Variants in LBR observed in about 807,000 individuals in gnomAD.
LBR encodes the protein lamin B receptor.
Under a neutral mutation model 74.3 loss-of-function variants are expected in LBR, and 28 were observed. That is an observed-to-expected ratio of 0.38 (90% CI 0.28 to 0.52). LBR has a LOEUF of 0.52. Ranked by LOEUF, LBR falls within the 20% of genes least tolerant of loss-of-function variation. The pLI, the probability that LBR is intolerant of heterozygous loss-of-function variation, is 0.89. For synonymous variants in LBR, 228 were observed against 269.3 expected, an observed-to-expected ratio of 0.85 and a Z score of 1.50; for missense variants, 717 against 760.3, an observed-to-expected ratio of 0.94 and a Z score of 0.67.
rs536779376 is a variant in LBR, at chr1:225,425,491, G to A, written c.-14-1402C>T. On this transcript the variant is annotated intron_variant, in intron 1 of 13. Coordinates refer to ENST00000272163, the MANE Select transcript of LBR (RefSeq NM_002296.4). ...GGTTTGGGCTTGGAGTAGTGGGGAG[G>A]AGCCCACAAGTTTTCGGGATGAAGT... Among the ~76,000 whole-genome samples the A allele has an allele frequency of 3.9e-5, 6 of 152,244 alleles. No individual in the cohort carries two copies. In the South Asian group the frequency reaches 1.0e-3, roughly 26 times the overall value.
chr1:225,406,434 AAAGC>A (rs1248089964), intron 11 of LBR: 1 of 404,654 alleles, frequency 2.5e-6, no homozygotes, highest in Non-Finnish European at 4.4e-6. Context: ...ATTAAATTTA[AAAGC>A]AAGATGGTTT....
chr1:225,419,506 C>T, intron 4 of LBR, 54 bp from the exon 5 acceptor site: 10 of 1,255,034 alleles, frequency 8.0e-6, no homozygotes, highest in Non-Finnish European at 1.2e-5. Flanking sequence ...ACCATTAATG[C>T]TACTGCATTA....
Position 225,412,498 on chromosome 1 carries a change from C to T in LBR, c.1040G>A (p.Arg347His), listed in dbSNP as rs761503513. ...GTCATTCCGGGGCGCTTTCAAAGAG[C>T]GCATGTAGAGATACACACTCAAGAC... is the stretch of plus-strand genomic sequence containing the variant. ...CVVLSVYLYM[R>H]SLKAPRNDLS... The change falls in exon 8 of 14, where the codon CGC becomes CAC. Residue 347 changes from arginine (R) to histidine (H), a missense_variant. Arg to His is a conservative substitution (Grantham distance 29). Transcript: ENST00000272163. 8.1e-6 allele frequency: 13 copies of T among 1,613,916 alleles called. No individual in the cohort carries two copies. Among genetic ancestry groups the T allele is most frequent in the South Asian group, 5.5e-5 (5 of 91,088 alleles).
At chr1:225,407,283 T>C (rs1312600101) in intron 10 of LBR, among the ~76,000 whole-genome samples, 2 of 152,210 alleles carry the variant, frequency 1.3e-5, no homozygotes, top group Admixed American at 6.5e-5. Context: ...ACAGAGGCTG[T>C]GTGTTTTCAC....
At chr1:225,415,783 C>T (rs945547232) in intron 6 of LBR, among the ~76,000 whole-genome samples, 10 of 152,190 alleles carry the variant, frequency 6.6e-5, no homozygotes, top group African/African-American at 2.2e-4. Flanking sequence ...TGTTTATCCA[C>T]TCTACTATGA....
intron 5 of LBR, among the ~76,000 whole-genome samples, chr1:225,418,949 G>C (rs2096122548): frequency 6.6e-6 from 1 of 152,182 alleles, no homozygotes; most frequent in Non-Finnish European, 1.5e-5. Flanking sequence ...AACCATCTAT[G>C]CTATACAAAC....
chr1:225,405,225 TTAAGTC>T (rs2096088952), intron 11 of LBR, among the ~76,000 whole-genome samples: 1 of 152,266 alleles, frequency 6.6e-6, no homozygotes, highest in Non-Finnish European at 1.5e-5. Flanking sequence ...GAATCCCACT[TTAAGTC>T]TATAAGTTCC....
chr1:225,419,459 G>T lies in LBR; in HGVS notation c.451-7C>A, dbSNP rs1460971637. 1 of 1,596,602 alleles carries T rather than the reference G, an allele frequency of 6.3e-7. No homozygotes were observed. Among genetic ancestry groups the T allele is most frequent in the Non-Finnish European group, 8.6e-7 (1 of 1,164,618 alleles). On this transcript the variant is annotated splice_polypyrimidine_tract_variant and splice_region_variant and intron_variant, in intron 4 of 13. Transcript: ENST00000272163. ...GTGACAAACTGAATTTTTCCTAAATGAAAAATTTAAAAATTAAATATCTGC... is the reference window on the plus strand; with the variant it reads ...GTGACAAACTGAATTTTTCCTAAATTAAAAATTTAAAAATTAAATATCTGC...
intron 8 of LBR, among the ~76,000 whole-genome samples, chr1:225,412,115 C>A (rs1401441193): frequency 6.6e-6 from 1 of 152,150 alleles, no homozygotes. Context: ...CGGCCAGTAA[C>A]CTCTGTTGTT....
chr1:225,426,897 G>C (rs545477012), intron 1 of LBR, among the ~76,000 whole-genome samples: 47 of 152,320 alleles, frequency 3.1e-4, no homozygotes, highest in Admixed American at 1.4e-3. Context: ...TTCCCAGGCA[G>C]CCTGAGAAAC....
In LBR at chr1:225,415,856, T is replaced by C. The variant is rs116683471; in HGVS notation, c.838-524A>G. On this transcript the variant is annotated intron_variant, in intron 6 of 13. Coordinates refer to ENST00000272163, the MANE Select transcript of LBR (RefSeq NM_002296.4). ...CTTGCTCTGCTATATATTATATATA[T>C]ATTGCCCATCCAGTTATTTAACCAT... Among the ~76,000 whole-genome samples, 416 of 152,288 alleles carry C rather than the reference T, an allele frequency of 2.7e-3. 1 individual carries two copies. The highest frequency in any genetic ancestry group is 9.7e-3 in the African/African-American group (403 of 41,556).
rs2096083453 is a variant in LBR, at chr1:225,402,440, G to C, written c.*863C>G. ...AAGGCAAACAAACACCTGCAATTGA[G>C]GTAGCAAAGCCAAATTCACAAACTT... On this transcript the variant is annotated 3_prime_UTR_variant, in exon 14 of 14. Transcript: ENST00000272163. 6.6e-6 allele frequency: 1 copy of C among 152,288 alleles called. No homozygotes were observed. Among genetic ancestry groups the C allele is most frequent in the African/African-American group, 2.4e-5 (1 of 41,382 alleles). The allele number at this position is 152,288 out of a possible 1,614,324, so 9.4% of individuals were successfully genotyped here.
rs766568195 is a variant in LBR, at chr1:225,422,111, C to T, written c.332G>A (p.Arg111Lys). The change falls in exon 3 of 14, where the codon AGG becomes AAG. Residue 111 changes from arginine to lysine, a missense_variant. By Grantham distance (26) the Arg-to-Lys change is conservative. Coordinates refer to ENST00000272163, the MANE Select transcript of LBR (RefSeq NM_002296.4). Reference sequence around the variant, plus strand: ...CGGAGTCAATTTAACTTCCACTTCCCTCCTTGCTTCCTTAATGTCGGCCTG... The same window carrying T: ...CGGAGTCAATTTAACTTCCACTTCCTTCCTTGCTTCCTTAATGTCGGCCTG... ...SHQADIKEARREVEVKLTPLI... is the reference protein window; with the variant it reads ...SHQADIKEARKEVEVKLTPLI... 2.5e-6 allele frequency: 4 copies of T among 1,614,142 alleles called. No homozygotes were observed. Among genetic ancestry groups the T allele is most frequent in the Non-Finnish European group, 1.7e-6 (2 of 1,180,036 alleles).
intron 1 of LBR, chr1:225,427,584 A>C (rs1246301864): frequency 2.6e-5 from 4 of 152,202 alleles, no homozygotes; most frequent in South Asian, 2.1e-4. Flanking sequence ...GCCGGGAGCC[A>C]GGCTGCGGTG....
chr1:225,410,698 A>G (rs1322113599), intron 9 of LBR, among the ~76,000 whole-genome samples: 1 of 152,200 alleles, frequency 6.6e-6, no homozygotes. Context: ...AAAATAACCA[A>G]CCAGTACCTT....
chr1:225,422,156 C>G lies in LBR; in HGVS notation c.287G>C (p.Arg96Pro), dbSNP rs769191817. 6 of 1,613,956 alleles carry G rather than the reference C, an allele frequency of 3.7e-6. No homozygotes were observed. In the African/African-American group the frequency reaches 5.3e-5, roughly 14 times the overall value. ...SPGRPPKSAR[R>P]SASASHQADI... ...GGCCTGGTGGGAAGCAGAAGCAGAT[C>G]GGCGGGCACTTTTAGGTGGTCGACC... Residue 96 changes from arginine to proline, a missense_variant, in exon 3 of 14, where the codon CGA becomes CCA. Coordinates refer to ENST00000272163, the MANE Select transcript of LBR (RefSeq NM_002296.4).
chr1:225,401,653 G>A lies in LBR; in HGVS notation c.*1650C>T, dbSNP rs112847128. 267 of 152,232 alleles carry A rather than the reference G, an allele frequency of 1.8e-3. 1 individual carries two copies. Among genetic ancestry groups the A allele is most frequent in the African/African-American group, 6.2e-3 (258 of 41,526 alleles). The allele number at this position is 152,232 out of a possible 1,614,324, so 9.4% of individuals were successfully genotyped here. A position where few individuals can be genotyped will look rare whatever the true frequency, so the allele number is the denominator to read the frequency against. On this transcript the variant is annotated 3_prime_UTR_variant, in exon 14 of 14. Coordinates refer to ENST00000272163, the MANE Select transcript of LBR (RefSeq NM_002296.4). ...GATAAAGGGCTCTTTTCATTACCAG[G>A]GAAAGAATTTAATGTCCTTCCTTCC...
chr1:225,419,476 A>C (rs1279210754), intron 4 of LBR, 24 bp from the exon 5 acceptor site: 3 of 1,526,924 alleles, frequency 2.0e-6, no homozygotes, highest in Middle Eastern at 2.0e-4. Flanking sequence ...TTAAAAATTA[A>C]ATATCTGCAG....
At chr1:225,426,754 G>T (rs1379423371) in intron 1 of LBR, among the ~76,000 whole-genome samples, 3 of 152,188 alleles carry the variant, frequency 2.0e-5, no homozygotes, top group Admixed American at 1.3e-4. Flanking sequence ...GGAACCCCGG[G>T]CCTTGCTCCG....
Sources: gnomAD v4.1 joint callset for allele counts (sites outside exome capture counted in the v4.1 genomes callset) on GRCh38, gnomAD v4.1.1 for gene constraint, MANE v1.5 for transcripts, NCBI Gene and HGNC (gene_info 2026-07-23, HGNC 2026-07-21) for gene names.